The following HNF4G variants were observed in gnomAD, a reference collection of about 807,000 sequenced individuals.
HNF4G encodes the protein hepatocyte nuclear factor 4 gamma.
A neutral mutation model predicts 50.9 loss-of-function variants in HNF4G; 21 were observed. The observed-to-expected ratio is 0.41, with a 90% CI of 0.29 to 0.59. The LOEUF (loss-of-function observed/expected upper bound fraction) is 0.59. Among genes scored for constraint, HNF4G ranks in the 20% least tolerant of loss-of-function variants. HNF4G has a pLI of 0.26. For synonymous variants in HNF4G, 198 were observed against 185.6 expected, an observed-to-expected ratio of 1.07 and a Z score of -0.54; for missense variants, 527 against 559.4, an observed-to-expected ratio of 0.94 and a Z score of 0.58.
intron 2 of HNF4G, among the ~76,000 whole-genome samples, chr8:75,506,309 A>T (rs2977905): frequency 0.28 from 42,534 of 151,842 alleles, 7,421 homozygotes; most frequent in African/African-American, 0.5. Flanking sequence ...CAAGAATAAG[A>T]CCTATCATAA....
At chr8:75,514,612 A>G (rs941821613) in intron 2 of HNF4G, among the ~76,000 whole-genome samples, 6 of 151,814 alleles carry the variant, frequency 4.0e-5, no homozygotes, top group African/African-American at 1.5e-4. Flanking sequence ...TGGCCTCTCA[A>G]AGTGCTGAGA....
chr8:75,418,151 G>A (rs922778884), intron 1 of HNF4G, among the ~76,000 whole-genome samples: 2 of 152,074 alleles, frequency 1.3e-5, no homozygotes, highest in African/African-American at 4.8e-5. Context: ...CCTTCTCCTT[G>A]GCTTGCAGAT....
chr8:75,508,127 A>G (rs2130719620), intron 2 of HNF4G, among the ~76,000 whole-genome samples: 1 of 152,288 alleles, frequency 6.6e-6, no homozygotes, highest in East Asian at 1.9e-4. Flanking sequence ...GACAAACAGA[A>G]TATTTTAACA....
intron 1 of HNF4G, among the ~76,000 whole-genome samples, chr8:75,542,822 G>C (rs1368700668): frequency 6.6e-6 from 1 of 152,202 alleles, no homozygotes; most frequent in Admixed American, 6.5e-5. Flanking sequence ...ATAGCAGGCT[G>C]TTGCCATAAT....
At chr8:75,505,687 C>CA (rs5892495) in intron 2 of HNF4G, among the ~76,000 whole-genome samples, 41,154 of 146,032 alleles carry the variant, frequency 0.28, 7,026 homozygotes, top group African/African-American at 0.49. Context: ...GCAAGATTTC[C>CA]AAAAAAAAAA....
At chr8:75,454,900 T>C (rs1315415106) in intron 1 of HNF4G, among the ~76,000 whole-genome samples, 1 of 151,400 alleles carries the variant, frequency 6.6e-6, no homozygotes, top group East Asian at 1.9e-4. Context: ...TTTTGAGTGA[T>C]TGAATAAAAG....
At position 75,558,507 on chromosome 8, in the gene HNF4G, C is replaced by A. The variant is rs1412483709; in HGVS notation, c.734-11C>A. ...ATTTTGTTTTGTTTTGTTTTGTTTT[C>A]TCTCTCATAGGAAACAACTATGTTA... On this transcript the variant is annotated splice_polypyrimidine_tract_variant and intron_variant, in intron 6 of 9. Transcript: ENST00000396423. The A allele has an allele frequency of 2.5e-6, 4 of 1,599,224 alleles. No individual in the cohort carries two copies. Among genetic ancestry groups the A allele is most frequent in the Non-Finnish European group, 3.4e-6 (4 of 1,175,676 alleles).
chr8:75,443,946 C>G (rs1811355452), intron 1 of HNF4G, among the ~76,000 whole-genome samples: 1 of 151,992 alleles, frequency 6.6e-6, no homozygotes, highest in Non-Finnish European at 1.5e-5. Context: ...AATTAAAGCT[C>G]TATGATACTG....
At chr8:75,549,172 T>G (rs1806873418) in intron 3 of HNF4G, among the ~76,000 whole-genome samples, 1 of 152,206 alleles carries the variant, frequency 6.6e-6, no homozygotes, top group Non-Finnish European at 1.5e-5. Flanking sequence ...AATGTGTTAT[T>G]TTCTTAAATA....
At chr8:75,531,459 T>G (rs1008239465) in intron 2 of HNF4G, among the ~76,000 whole-genome samples, 1 of 152,164 alleles carries the variant, frequency 6.6e-6, no homozygotes, top group Non-Finnish European at 1.5e-5. Context: ...GCATCTTATC[T>G]TTCCACTATC....
chr8:75,560,101 C>T (rs187712614), intron 8 of HNF4G, among the ~76,000 whole-genome samples: 8 of 152,186 alleles, frequency 5.3e-5, no homozygotes, highest in East Asian at 1.9e-4. Flanking sequence ...TTCCAGGAAA[C>T]GGCACACAAG....
At chr8:75,419,970 C>T (rs1356384281) in intron 1 of HNF4G, among the ~76,000 whole-genome samples, 2 of 152,178 alleles carry the variant, frequency 1.3e-5, no homozygotes, top group African/African-American at 2.4e-5. Context: ...TAAGACAACA[C>T]TCAGCACCAT....
intron 1 of HNF4G, among the ~76,000 whole-genome samples, chr8:75,445,556 G>A (rs1213133449): frequency 1.9e-5 from 1 of 52,162 alleles, no homozygotes; most frequent in African/African-American, 1.0e-4. Flanking sequence ...GAAAAAAAGA[G>A]AGAAGAATCA....
rs1050502549 is a variant in HNF4G, at chr8:75,434,894, A to T, written c.-144+26732A>T. Among the ~76,000 whole-genome samples, 3 of 152,250 alleles carry T rather than the reference A, an allele frequency of 2.0e-5. No individual in the cohort carries two copies. In the East Asian group the frequency reaches 5.8e-4, roughly 29 times the overall value. Reference sequence around the variant, plus strand: ...AATAGAAAAACTTAGTAGTCTGATAAATCATTAAGGACTTGAACCCATTGT... The same window carrying T: ...AATAGAAAAACTTAGTAGTCTGATATATCATTAAGGACTTGAACCCATTGT... On this transcript the variant is annotated intron_variant, in intron 1 of 10. Coordinates refer to the HNF4G transcript ENST00000354370.
chr8:75,543,888 G>A lies in HNF4G; in HGVS notation c.196G>A (p.Ala66Thr). 2.5e-6 allele frequency: 4 copies of A among 1,613,830 alleles called. No homozygotes were observed. Among genetic ancestry groups the A allele is most frequent in the Non-Finnish European group, 3.4e-6 (4 of 1,179,808 alleles). Residue 66 changes from alanine (A) to threonine (T), a missense_variant, in exon 2 of 10, where the codon GCA becomes ACA. Physicochemically the swap from Ala to Thr is moderately conservative, Grantham distance 58. Coordinates refer to ENST00000396423, the MANE Select transcript of HNF4G (RefSeq NM_004133.5). ...NCLCAICGDR[A>T]TGKHYGASSC... The stretch of plus-strand genomic sequence containing the variant: ...TCTGTGTGCTATCTGTGGGGACAGA[G>A]CAACAGGAAAACACTATGGGGCATC...
chr8:75,466,318 A>G (rs1811969770), intron 1 of HNF4G, among the ~76,000 whole-genome samples: 1 of 151,960 alleles, frequency 6.6e-6, no homozygotes, highest in Non-Finnish European at 1.5e-5. Context: ...CTTTTCTCAA[A>G]TTACCAATGT....
intron 1 of HNF4G, among the ~76,000 whole-genome samples, chr8:75,468,422 A>C (rs1812036813): frequency 6.6e-6 from 1 of 152,130 alleles, no homozygotes; most frequent in African/African-American, 2.4e-5. Flanking sequence ...AGGGCTGGGC[A>C]CGGTGGCTCA....
chr8:75,531,845 G>C (rs969009685), intron 2 of HNF4G, among the ~76,000 whole-genome samples: 2 of 151,894 alleles, frequency 1.3e-5, no homozygotes, highest in African/African-American at 4.8e-5. Context: ...GTATCCACAG[G>C]GTTACTGAAA....
chr8:75,408,241 GGAGA>G (rs3832563), intron 1 of HNF4G: 32 of 148,834 alleles, frequency 2.2e-4, no homozygotes, highest in East Asian at 4.0e-4. Context: ...AAAGAGAGAA[GGAGA>G]GAGAGAGAGA....
Sources: allele counts gnomAD v4.1 joint callset (sites outside exome capture counted in the v4.1 genomes callset), GRCh38; gene constraint gnomAD v4.1.1; transcripts MANE v1.5; gene names NCBI Gene and HGNC (gene_info 2026-07-23, HGNC 2026-07-21).